MAF: variants seen among roughly 807,000 people sequenced by gnomAD.
MAF encodes MAF bZIP transcription factor, also known as transcription factor Maf.
Under a neutral mutation model 22.0 loss-of-function variants are expected in MAF, and 10 were observed. The ratio of observed to expected loss-of-function variants is 0.45; its 90% CI spans 0.28 to 0.77. MAF has a LOEUF of 0.77. MAF is among the 30% of genes least tolerant of loss of function. The pLI, the probability that MAF is intolerant of heterozygous loss-of-function variation, is 0.12. For missense variants in MAF, 544 were observed against 548.4 expected, an observed-to-expected ratio of 0.99 and a Z score of 0.08; for synonymous variants, 337 against 255.8, an observed-to-expected ratio of 1.32 and a Z score of -3.03.
At chr16:79,348,730 C>T in the MAF span, among the ~76,000 whole-genome samples, 2 of 152,320 alleles carry the variant, frequency 1.3e-5, no homozygotes, top group Non-Finnish European at 2.9e-5. Flanking sequence ...AACTGATTCA[C>T]CTCCATCTGG....
chr16:79,395,541 C>G, the MAF span, among the ~76,000 whole-genome samples: 3 of 152,088 alleles, frequency 2.0e-5, no homozygotes, highest in Non-Finnish European at 4.4e-5. Flanking sequence ...CAGAGAGGCA[C>G]TGAGGGGCAG....
the MAF span, among the ~76,000 whole-genome samples, chr16:79,308,450 T>C: frequency 6.6e-6 from 1 of 152,146 alleles, no homozygotes; most frequent in Non-Finnish European, 1.5e-5. Context: ...AATGAGCCTC[T>C]GCTTGCTTAT....
intron 1 of MAF, chr16:79,594,775 T>C: frequency 6.7e-6 from 9 of 1,338,926 alleles, no homozygotes; most frequent in East Asian, 2.9e-5. Context: ...GTAATTGTTA[T>C]TTCTAAAAAT....
chr16:79,595,313 T>A, intron 1 of MAF: 1 of 1,049,212 alleles, frequency 9.5e-7, no homozygotes, highest in African/African-American at 1.7e-5. Flanking sequence ...TTGTAAAAAA[T>A]AGGCAGGAAG....
the MAF span, among the ~76,000 whole-genome samples, chr16:79,383,164 C>G: frequency 1.2e-4 from 18 of 152,046 alleles, no homozygotes; most frequent in African/African-American, 4.1e-4. Context: ...AGTCTTGAAC[C>G]AGAAAGAAAT....
chr16:79,220,117 G>A, the MAF span, among the ~76,000 whole-genome samples: 3,462 of 151,992 alleles, frequency 0.023, 45 homozygotes, highest in Middle Eastern at 0.031. Flanking sequence ...TTAGCCGGGT[G>A]TGGTGGTGGG....
At chr16:79,486,612 G>A in the MAF span, among the ~76,000 whole-genome samples, 1 of 152,206 alleles carries the variant, frequency 6.6e-6, no homozygotes, top group Non-Finnish European at 1.5e-5. Flanking sequence ...TTCAACCCAA[G>A]TTACGCAGCT....
At chr16:79,544,891 G>A in the MAF span, among the ~76,000 whole-genome samples, 1 of 151,924 alleles carries the variant, frequency 6.6e-6, no homozygotes, top group Non-Finnish European at 1.5e-5. Context: ...ATCACAGAAA[G>A]AGGTGCTAAC....
chr16:79,412,730 G>C, the MAF span, among the ~76,000 whole-genome samples: 1 of 152,182 alleles, frequency 6.6e-6, no homozygotes. Context: ...ATCAATGGAA[G>C]TAACATGTAT....
the MAF span, among the ~76,000 whole-genome samples, chr16:79,494,177 AT>A: frequency 6.6e-6 from 1 of 152,208 alleles, no homozygotes; most frequent in East Asian, 1.9e-4. Context: ...ACACAGATTT[AT>A]TATATTACAG....
the MAF span, among the ~76,000 whole-genome samples, chr16:79,315,055 C>T: frequency 6.6e-6 from 1 of 152,184 alleles, no homozygotes; most frequent in East Asian, 1.9e-4. Flanking sequence ...CTTTTGTCTG[C>T]TATATTATTA....
chr16:79,547,998 C>T, the MAF span, among the ~76,000 whole-genome samples: 6 of 151,968 alleles, frequency 3.9e-5, no homozygotes, highest in South Asian at 1.0e-3. Context: ...AATACATGGG[C>T]TCAGCAAAGA....
the MAF span, among the ~76,000 whole-genome samples, chr16:79,329,478 T>C: frequency 6.6e-6 from 1 of 152,046 alleles, no homozygotes; most frequent in East Asian, 1.9e-4. Flanking sequence ...CAGAGAAAAA[T>C]GCAAGAGGGA....
the MAF span, among the ~76,000 whole-genome samples, chr16:79,566,611 T>G: frequency 6.6e-6 from 1 of 152,224 alleles, no homozygotes; most frequent in South Asian, 2.1e-4. Context: ...GCCACAAGTG[T>G]GGATCTTGGG....
chr16:79,444,465 C>G, the MAF span, among the ~76,000 whole-genome samples: 1 of 152,130 alleles, frequency 6.6e-6, no homozygotes, highest in African/African-American at 2.4e-5. Flanking sequence ...TGGGCAAGTT[C>G]TTTTACTGAG....
the MAF span, among the ~76,000 whole-genome samples, chr16:79,496,183 C>G: frequency 6.6e-6 from 1 of 151,942 alleles, no homozygotes; most frequent in East Asian, 1.9e-4. Context: ...CAGTAGCTAA[C>G]TAGTACGTGT....
At chr16:79,547,381 T>C in the MAF span, among the ~76,000 whole-genome samples, 1 of 151,886 alleles carries the variant, frequency 6.6e-6, no homozygotes, top group South Asian at 2.1e-4. Flanking sequence ...CCCGAACCTG[T>C]ACACACACAT....
At chr16:79,292,443 T>G in the MAF span, among the ~76,000 whole-genome samples, 5 of 152,246 alleles carry the variant, frequency 3.3e-5, no homozygotes, top group Non-Finnish European at 5.9e-5. Context: ...CACCTTACTA[T>G]TCAACTTCTG....
chr16:79,368,086 T>G, the MAF span, among the ~76,000 whole-genome samples: 1 of 152,186 alleles, frequency 6.6e-6, no homozygotes, highest in Admixed American at 6.5e-5. Flanking sequence ...CCCGTCTGCA[T>G]GCTGCTCCCT....
Sources: allele counts gnomAD v4.1 joint callset (sites outside exome capture counted in the v4.1 genomes callset), GRCh38; gene constraint gnomAD v4.1.1; transcripts MANE v1.5; gene names NCBI Gene and HGNC (gene_info 2026-07-23, HGNC 2026-07-21).